LRP8: variants seen among roughly 807,000 people sequenced by gnomAD.
The protein encoded by LRP8 is LDL receptor related protein 8.
In LRP8, 46 loss-of-function variants were observed where a neutral mutation model predicts 111.6. The observed-to-expected ratio is 0.41, with a 90% CI of 0.33 to 0.53. The LOEUF (loss-of-function observed/expected upper bound fraction) is 0.53. Among genes scored for constraint, LRP8 ranks in the 20% least tolerant of loss-of-function variants. The pLI is 0.20. For synonymous variants in LRP8, 464 were observed against 511.2 expected, an observed-to-expected ratio of 0.91 and a Z score of 1.24; for missense variants, 959 against 1,297.4, an observed-to-expected ratio of 0.74 and a Z score of 4.01.
At position 53,303,294 on chromosome 1, in the gene LRP8, G is replaced by C. The variant is rs534558549; in HGVS notation, c.245-13605C>G. Among the ~76,000 whole-genome samples the C allele has an allele frequency of 6.6e-6, 1 of 152,320 alleles. No individual in the cohort carries two copies. Among genetic ancestry groups the C allele is most frequent in the Admixed American group, 6.5e-5 (1 of 15,306 alleles). ...AGCATCTGGGTCCAGTGAGGTGGTG[G>C]GGAGCAGCCAGTCCTCACAGGGCCT... On this transcript the variant is annotated intron_variant, in intron 2 of 18. Transcript: ENST00000306052. The surrounding 1 kb of genome is among the most constrained non-coding windows in gnomAD (Gnocchi z 4.3).
intron 10 of LRP8, among the ~76,000 whole-genome samples, chr1:53,263,125 G>C (rs533031054): frequency 6.6e-6 from 1 of 152,228 alleles, no homozygotes; most frequent in Non-Finnish European, 1.5e-5. Flanking sequence ...AGTGGATTGG[G>C]GTTGGGCTGG....
chr1:53,269,326 T>TA (rs1646686206), intron 8 of LRP8, among the ~76,000 whole-genome samples: 1 of 151,246 alleles, frequency 6.6e-6, no homozygotes, highest in Non-Finnish European at 1.5e-5. Context: ...TATTATTATT[T>TA]TTTTTTTTAG....
chr1:53,292,622 T>A (rs1648994849), intron 2 of LRP8, among the ~76,000 whole-genome samples: 1 of 152,164 alleles, frequency 6.6e-6, no homozygotes, highest in African/African-American at 2.4e-5. Flanking sequence ...AAAAGAAACG[T>A]ATATCCTAGT....
At chr1:53,316,843 G>A (rs1653870423) in intron 2 of LRP8, among the ~76,000 whole-genome samples, 1 of 152,202 alleles carries the variant, frequency 6.6e-6, no homozygotes, top group Non-Finnish European at 1.5e-5. Flanking sequence ...CTGGGGAGGA[G>A]AGGCTGCTGT....
Position 53,244,616 on chromosome 1 carries a change from T to C in LRP8, c.*2402A>G, listed in dbSNP as rs764855099. The stretch of plus-strand genomic sequence containing the variant: ...AGCATATGCAGGAAACATGAATGTC[T>C]CTGAGAAAAAGTTGTGAATTTCATT... On this transcript the variant is annotated 3_prime_UTR_variant, in exon 19 of 19. Coordinates refer to ENST00000306052, the MANE Select transcript of LRP8 (RefSeq NM_004631.5). 3 of 152,260 alleles carry C rather than the reference T, an allele frequency of 2.0e-5. No individual in the cohort carries two copies. Among genetic ancestry groups the C allele is most frequent in the Non-Finnish European group, 4.4e-5 (3 of 68,054 alleles). The allele number at this position is 152,260 out of a possible 1,614,324, so 9.4% of individuals were successfully genotyped here.
intron 18 of LRP8, among the ~76,000 whole-genome samples, chr1:53,247,897 G>T (rs552039261): frequency 6.6e-6 from 1 of 152,244 alleles, no homozygotes; most frequent in East Asian, 1.9e-4. Flanking sequence ...ATGTAATCTT[G>T]TTTGCCTCTT....
intron 8 of LRP8, chr1:53,267,549 A>G (rs534665768): frequency 6.6e-6 from 1 of 152,362 alleles, no homozygotes; most frequent in African/African-American, 2.4e-5. Context: ...GGCAGGGGCC[A>G]GATCACAAAA....
intron 6 of LRP8, among the ~76,000 whole-genome samples, chr1:53,273,371 A>C (rs1646818663): frequency 6.6e-6 from 1 of 152,210 alleles, no homozygotes; most frequent in Admixed American, 6.5e-5. Context: ...CCATAGATAC[A>C]TTCACACATA....
At position 53,263,329 on chromosome 1, in the gene LRP8, A is replaced by G. The variant is rs61214189; in HGVS notation, c.1656-765T>C. Among the ~76,000 whole-genome samples the G allele has an allele frequency of 2.8e-3, 426 of 152,368 alleles. 1 individual carries two copies. The highest frequency in any genetic ancestry group is 9.9e-3 in the African/African-American group (412 of 41,586). ...TATCAGTCACTTCCCAAGGCCTCACATAACCTCCCATGTGGTACTCCCCTC... is the reference window on the plus strand; with the variant it reads ...TATCAGTCACTTCCCAAGGCCTCACGTAACCTCCCATGTGGTACTCCCCTC... On this transcript the variant is annotated intron_variant, in intron 10 of 18. Coordinates refer to ENST00000306052, the MANE Select transcript of LRP8 (RefSeq NM_004631.5).
At chr1:53,311,452 C>T (rs1001157654) in intron 2 of LRP8, among the ~76,000 whole-genome samples, 2 of 152,148 alleles carry the variant, frequency 1.3e-5, no homozygotes, top group African/African-American at 4.8e-5. Context: ...GCCCTGGCCA[C>T]AAAGCGCCCT....
chr1:53,312,233 G>C (rs1167908451), intron 2 of LRP8, among the ~76,000 whole-genome samples: 2 of 152,210 alleles, frequency 1.3e-5, no homozygotes, highest in African/African-American at 4.8e-5. Context: ...GTCTGTAACA[G>C]CGGCCAGGCC....
intron 18 of LRP8, among the ~76,000 whole-genome samples, chr1:53,247,678 T>C (rs1054115462): frequency 6.6e-6 from 1 of 152,230 alleles, no homozygotes; most frequent in African/African-American, 2.4e-5. Flanking sequence ...GTCTATTCCA[T>C]TGTGGACAAC....
At chr1:53,281,752 C>G (rs1647118901) in intron 3 of LRP8, among the ~76,000 whole-genome samples, 1 of 152,204 alleles carries the variant, frequency 6.6e-6, no homozygotes, top group Non-Finnish European at 1.5e-5. Context: ...AATACTATCT[C>G]TCATAGGATT....
At chr1:53,283,346 C>A (rs989868402) in intron 3 of LRP8, among the ~76,000 whole-genome samples, 1 of 152,050 alleles carries the variant, frequency 6.6e-6, no homozygotes, top group Non-Finnish European at 1.5e-5. Context: ...GTAAGGTAAG[C>A]AGGCCTTGCG....
chr1:53,308,790 C>G (rs1402769418), intron 2 of LRP8, among the ~76,000 whole-genome samples: 1 of 152,208 alleles, frequency 6.6e-6, no homozygotes, highest in Non-Finnish European at 1.5e-5. Context: ...CAAAGGAGCT[C>G]TCACACTAAG....
Position 53,276,954 on chromosome 1 carries a change from C to T in LRP8, c.621G>A (p.Gly207=). Residue 207 remains glycine, a synonymous_variant, in exon 5 of 19, where the codon GGG becomes GGA. Transcript: ENST00000306052. Reference sequence around the variant, plus strand: ...CGCCGCCGCAGCGGAACTCGCGGGGCCCGCAGGCCGGGTCTGCACAGCCGC... The same window carrying T: ...CGCCGCCGCAGCGGAACTCGCGGGGTCCGCAGGCCGGGTCTGCACAGCCGC... The part of the protein sequence containing the change: ...DERGCADPAC[G]PREFRCGGDG... 1 of 1,475,060 alleles carries T rather than the reference C, an allele frequency of 6.8e-7. No homozygotes were observed. The highest frequency in any genetic ancestry group is 9.0e-7 in the Non-Finnish European group (1 of 1,116,746). 91.4% of individuals were successfully genotyped at this position (1,475,060 alleles called of 1,614,324 possible). A position where few individuals can be genotyped will look rare whatever the true frequency, so the allele number is the denominator to read the frequency against.
At chr1:53,268,778 T>C (rs1646667527) in intron 8 of LRP8, among the ~76,000 whole-genome samples, 1 of 152,218 alleles carries the variant, frequency 6.6e-6, no homozygotes, top group Non-Finnish European at 1.5e-5. Context: ...GCTGTAACTT[T>C]TTTTTCCACA....
At chr1:53,268,242 G>C (rs1646647264) in intron 8 of LRP8, 1 of 152,250 alleles carries the variant, frequency 6.6e-6, no homozygotes, top group Admixed American at 6.5e-5. Flanking sequence ...GAAGGCAGGA[G>C]CCAGGTTAAA....
chr1:53,312,334 C>T (rs1653153232), intron 2 of LRP8, among the ~76,000 whole-genome samples: 1 of 152,178 alleles, frequency 6.6e-6, no homozygotes, highest in African/African-American at 2.4e-5. Context: ...CTTGAGTTCT[C>T]CCAAAAGGTG....
Sources: allele counts gnomAD v4.1 joint callset (sites outside exome capture counted in the v4.1 genomes callset), GRCh38; gene constraint gnomAD v4.1.1; non-coding constraint Gnocchi (gnomAD v3.1); transcripts MANE v1.5; gene names NCBI Gene and HGNC (gene_info 2026-07-23, HGNC 2026-07-21).